PDE1C: variants seen among roughly 807,000 people sequenced by gnomAD.
The protein encoded by PDE1C is dual specificity calcium/calmodulin-dependent 3',5'-cyclic nucleotide phosphodiesterase 1C.
PDE1C carries 62 observed loss-of-function variants against 93.1 expected under a neutral mutation model. That is an observed-to-expected ratio of 0.67 (90% CI 0.54 to 0.82). PDE1C has a LOEUF of 0.82. Ranked by LOEUF, PDE1C falls within the 40% of genes least tolerant of loss-of-function variation. The pLI is 0.00. For missense variants in PDE1C, 742 were observed against 884.6 expected (o/e 0.84, Z 2.04); for synonymous variants, 325 against 310.1 (o/e 1.05, Z -0.50).
intron 3 of PDE1C, among the ~76,000 whole-genome samples, chr7:32,110,076 G>T (rs1798558043): frequency 6.6e-6 from 1 of 152,106 alleles, no homozygotes; most frequent in African/African-American, 2.4e-5. Context: ...TAGCTCAGGG[G>T]TAGACAAACT....
intron 16 of PDE1C, chr7:31,787,842 T>G (rs138057285): frequency 1.8e-4 from 27 of 152,372 alleles, no homozygotes; most frequent in African/African-American, 6.3e-4. Context: ...GAATAATTAC[T>G]TTAATGTTTT....
At chr7:32,294,058 AG>A (rs1466776070) in intron 1 of PDE1C, among the ~76,000 whole-genome samples, 2 of 151,814 alleles carry the variant, frequency 1.3e-5, no homozygotes, top group Non-Finnish European at 2.9e-5. Context: ...ATCAGACCTC[AG>A]CCACCCACCG....
intron 2 of PDE1C, among the ~76,000 whole-genome samples, chr7:32,029,889 C>G (rs1308903718): frequency 6.6e-6 from 1 of 151,996 alleles, no homozygotes; most frequent in Admixed American, 6.6e-5. Flanking sequence ...TATATTGCTG[C>G]AACATTATTT....
chr7:32,354,470 A>C (rs1388850115), intron 1 of PDE1C, among the ~76,000 whole-genome samples: 1 of 152,090 alleles, frequency 6.6e-6, no homozygotes, highest in African/African-American at 2.4e-5. Context: ...CACACAAAAA[A>C]ATTTTTTAAT....
chr7:32,031,916 T>C (rs989718414), intron 2 of PDE1C, among the ~76,000 whole-genome samples: 3 of 152,042 alleles, frequency 2.0e-5, no homozygotes, highest in Non-Finnish European at 4.4e-5. Context: ...GAAGTACTGC[T>C]TGGGGGAGAA....
At chr7:31,628,882 T>A in the PDE1C span, among the ~76,000 whole-genome samples, 2 of 152,172 alleles carry the variant, frequency 1.3e-5, no homozygotes, top group Non-Finnish European at 2.9e-5. Flanking sequence ...TCCCTGCCAA[T>A]CAACCAGTGG....
At chr7:31,783,917 A>C (rs958893359) in intron 16 of PDE1C, 1 of 152,224 alleles carries the variant, frequency 6.6e-6, no homozygotes, top group Non-Finnish European at 1.5e-5. Flanking sequence ...CACAACCATG[A>C]AATCAAAACA....
intron 1 of PDE1C, among the ~76,000 whole-genome samples, chr7:32,361,151 T>C (rs1437985526): frequency 2.6e-5 from 4 of 152,000 alleles, no homozygotes; most frequent in African/African-American, 4.8e-5. Flanking sequence ...CTTTGTACAG[T>C]TGGGGAAGCT....
intron 1 of PDE1C, among the ~76,000 whole-genome samples, chr7:32,260,877 T>C (rs1465535322): frequency 2.6e-5 from 4 of 152,156 alleles, no homozygotes; most frequent in Admixed American, 6.5e-5. Flanking sequence ...TCCCAGCACT[T>C]TGGGAGGCCC....
At chr7:31,794,640 C>T (rs1785065548) in intron 16 of PDE1C, among the ~76,000 whole-genome samples, 1 of 151,976 alleles carries the variant, frequency 6.6e-6, no homozygotes, top group Non-Finnish European at 1.5e-5. Context: ...CAATGCCTGG[C>T]CCACTTTTAG....
Position 32,026,290 on chromosome 7 carries a change from C to T in PDE1C, c.128+25264G>A, listed in dbSNP as rs780838190. On this transcript the variant is annotated intron_variant, in intron 2 of 17. Transcript: ENST00000396191. ...GCACATGGGGCAAAGCTGGCTGCAGCTTATAGTTTTAGATGAAATGCTGGT... is the reference window on the plus strand; with the variant it reads ...GCACATGGGGCAAAGCTGGCTGCAGTTTATAGTTTTAGATGAAATGCTGGT... 1.3e-4 allele frequency among the ~76,000 whole-genome samples: 20 copies of T among 152,140 alleles called. 1 individual carries two copies. Among genetic ancestry groups the T allele is most frequent in the Admixed American group, 3.3e-4 (5 of 15,248 alleles).
At chr7:31,775,101 C>T (rs1584020080) in intron 17 of PDE1C, among the ~76,000 whole-genome samples, 1 of 152,102 alleles carries the variant, frequency 6.6e-6, no homozygotes, top group African/African-American at 2.4e-5. Flanking sequence ...TTATGATTTG[C>T]CAGTACATGT....
chr7:32,173,098 T>A (rs1802760531), intron 2 of PDE1C, among the ~76,000 whole-genome samples: 1 of 152,094 alleles, frequency 6.6e-6, no homozygotes, highest in South Asian at 2.1e-4. Context: ...AGCAAAGACA[T>A]GGAGCCAACC....
At chr7:31,660,373 A>G in the PDE1C span, among the ~76,000 whole-genome samples, 1 of 152,198 alleles carries the variant, frequency 6.6e-6, no homozygotes, top group Non-Finnish European at 1.5e-5. Flanking sequence ...TATCTATGTA[A>G]AGCTATGGTC....
the PDE1C span, among the ~76,000 whole-genome samples, chr7:31,620,363 T>G: frequency 6.6e-6 from 1 of 151,526 alleles, no homozygotes; most frequent in African/African-American, 2.4e-5. Context: ...CACCCCCCAG[T>G]AGGGGCAGAT....
At chr7:31,659,236 C>T in the PDE1C span, among the ~76,000 whole-genome samples, 1 of 152,144 alleles carries the variant, frequency 6.6e-6, no homozygotes, top group Non-Finnish European at 1.5e-5. Flanking sequence ...TTGTCAAATG[C>T]ATTGCTTTGT....
chr7:32,340,987 T>C (rs1028691635), intron 1 of PDE1C, among the ~76,000 whole-genome samples: 1 of 151,958 alleles, frequency 6.6e-6, no homozygotes, highest in African/African-American at 2.4e-5. Flanking sequence ...TGGCCCCTAA[T>C]GTAAACTATG....
the PDE1C span, among the ~76,000 whole-genome samples, chr7:31,720,133 G>A: frequency 4.8e-5 from 6 of 125,136 alleles, no homozygotes; most frequent in Admixed American, 6.1e-4. Context: ...ACTGCAGTCC[G>A]CAGTCCGGCC....
chr7:32,093,446 C>G (rs1180723839), intron 3 of PDE1C, among the ~76,000 whole-genome samples: 1 of 152,218 alleles, frequency 6.6e-6, no homozygotes. Flanking sequence ...ATTTATACTG[C>G]TGACTCATTT....
Sources: gnomAD v4.1 joint callset for allele counts (sites outside exome capture counted in the v4.1 genomes callset) on GRCh38, gnomAD v4.1.1 for gene constraint, MANE v1.5 for transcripts, NCBI Gene and HGNC (gene_info 2026-07-23, HGNC 2026-07-21) for gene names.